The following LPP variants were observed in gnomAD, a reference collection of about 807,000 sequenced individuals.
LPP encodes LIM domain containing preferred translocation partner in lipoma, also known as lipoma-preferred partner.
Under a neutral mutation model 60.4 loss-of-function variants are expected in LPP, and 38 were observed. The ratio of observed to expected loss-of-function variants is 0.63; its 90% CI spans 0.49 to 0.83. LPP has a LOEUF of 0.83. LPP is among the 40% of genes least tolerant of loss of function. LPP has a pLI of 0.00. For missense variants in LPP, 902 were observed against 783.6 expected (o/e 1.15, Z -1.80); for synonymous variants, 328 against 290.8 (o/e 1.13, Z -1.30).
At chr3:188,209,113 T>A (rs1734042114) in intron 1 of LPP, among the ~76,000 whole-genome samples, 1 of 152,222 alleles carries the variant, frequency 6.6e-6, no homozygotes, top group Non-Finnish European at 1.5e-5. Context: ...AAACAGTTAG[T>A]ATGTAGCAGA....
intron 4 of LPP, among the ~76,000 whole-genome samples, chr3:188,482,843 A>C (rs796454020): frequency 3.3e-5 from 5 of 152,182 alleles, no homozygotes; most frequent in African/African-American, 1.2e-4. Flanking sequence ...GGTCTAAAGT[A>C]GTAACAACAT....
At chr3:188,518,568 G>A (rs4686969) in intron 5 of LPP, among the ~76,000 whole-genome samples, 98,653 of 152,054 alleles carry the variant, frequency 0.65, 35,467 homozygotes, top group Middle Eastern at 0.82. Flanking sequence ...GTGAAGCACA[G>A]TTGAAAAAAA....
chr3:188,325,233 G>A (rs558440613), intron 2 of LPP, among the ~76,000 whole-genome samples: 8 of 152,056 alleles, frequency 5.3e-5, no homozygotes, highest in African/African-American at 1.7e-4. Context: ...CACCCGCCTC[G>A]GCCTCCCAAA....
chr3:188,442,925 G>C (rs911137410), intron 4 of LPP, among the ~76,000 whole-genome samples: 1 of 152,180 alleles, frequency 6.6e-6, no homozygotes, highest in African/African-American at 2.4e-5. Context: ...GAGTCCAGGA[G>C]TCTTTCTGTT....
At chr3:188,259,424 G>A (rs1732804934) in intron 2 of LPP, among the ~76,000 whole-genome samples, 1 of 152,170 alleles carries the variant, frequency 6.6e-6, no homozygotes, top group Admixed American at 6.5e-5. Context: ...GCCCGATCCT[G>A]CTGAGACATT....
chr3:188,776,063 C>T (rs568433006), intron 9 of LPP, among the ~76,000 whole-genome samples: 3 of 152,352 alleles, frequency 2.0e-5, no homozygotes, highest in African/African-American at 7.2e-5. Flanking sequence ...ATGCGGAATA[C>T]AGCGCAGTGT....
chr3:188,787,509 C>T (rs1364902089), intron 9 of LPP, among the ~76,000 whole-genome samples: 7 of 151,996 alleles, frequency 4.6e-5, no homozygotes, highest in African/African-American at 1.5e-4. Flanking sequence ...AGTTTCTATC[C>T]CCACCTCTCC....
intron 7 of LPP, among the ~76,000 whole-genome samples, chr3:188,676,287 A>G (rs1858070932): frequency 6.6e-6 from 1 of 152,138 alleles, no homozygotes; most frequent in South Asian, 2.1e-4. Context: ...GTGAAGCTAC[A>G]TAGATGTAAA....
At chr3:188,415,184 C>G (rs1429315580) in intron 4 of LPP, among the ~76,000 whole-genome samples, 1 of 152,024 alleles carries the variant, frequency 6.6e-6, no homozygotes, top group Non-Finnish European at 1.5e-5. Context: ...TATTTTACAT[C>G]TGAAGAGAAT....
chr3:188,427,471 G>T (rs993228706), intron 4 of LPP, among the ~76,000 whole-genome samples: 1 of 152,014 alleles, frequency 6.6e-6, no homozygotes, highest in African/African-American at 2.4e-5. Context: ...TTCAACCTTG[G>T]TGAATCTGAC....
intron 1 of LPP, chr3:188,179,667 T>A: frequency 2.7e-6 from 1 of 364,668 alleles, no homozygotes; most frequent in Non-Finnish European, 5.4e-6. Flanking sequence ...TCAGCAAGCC[T>A]CTCTGCAGTC....
At position 188,630,513 on chromosome 3, in the gene LPP, T is replaced by C. The variant is rs183169054; in HGVS notation, c.1113+20669T>C. ...AAAAGGGAATGCTTGTGCACTCCTG[T>C]TGGGAATGTAAATTAGTTCAGTCTC... On this transcript the variant is annotated intron_variant, in intron 7 of 11. Transcript: ENST00000617246. Among the ~76,000 whole-genome samples the C allele has an allele frequency of 9.8e-4, 149 of 152,260 alleles. No homozygotes were observed. The Middle Eastern group carries it at 0.017, about 17-fold the overall frequency.
At chr3:188,713,282 T>G (rs1712362038) in intron 8 of LPP, among the ~76,000 whole-genome samples, 1 of 152,106 alleles carries the variant, frequency 6.6e-6, no homozygotes, top group African/African-American at 2.4e-5. Context: ...ACACCTGTCC[T>G]GAATTCTGCA....
At chr3:188,640,510 A>G (rs1034565639) in intron 7 of LPP, among the ~76,000 whole-genome samples, 1 of 148,644 alleles carries the variant, frequency 6.7e-6, no homozygotes, top group Middle Eastern at 3.3e-3. Flanking sequence ...CTAAAACTTA[A>G]AGTATAATAA....
chr3:188,380,712 A>G (rs1283443775), intron 3 of LPP, among the ~76,000 whole-genome samples: 3 of 152,234 alleles, frequency 2.0e-5, no homozygotes, highest in Admixed American at 6.5e-5. Flanking sequence ...AATTGTTTGC[A>G]AAATTATCTT....
At chr3:188,400,267 A>T (rs1781932814) in intron 3 of LPP, among the ~76,000 whole-genome samples, 1 of 152,214 alleles carries the variant, frequency 6.6e-6, no homozygotes, top group Non-Finnish European at 1.5e-5. Flanking sequence ...GGGAGGTAGT[A>T]CAGAGTGAAG....
At chr3:188,639,463 C>G (rs1849586180) in intron 7 of LPP, among the ~76,000 whole-genome samples, 1 of 151,882 alleles carries the variant, frequency 6.6e-6, no homozygotes, top group Non-Finnish European at 1.5e-5. Context: ...CGGGCAAGGA[C>G]TTCATGTCTA....
intron 3 of LPP, among the ~76,000 whole-genome samples, chr3:188,358,361 T>G (rs1768224061): frequency 6.6e-6 from 1 of 152,222 alleles, no homozygotes; most frequent in East Asian, 1.9e-4. Context: ...TCCTGTACGT[T>G]GTGAGGCTGA....
At chr3:188,158,420 T>C (rs962296533) in intron 1 of LPP, among the ~76,000 whole-genome samples, 1 of 152,146 alleles carries the variant, frequency 6.6e-6, no homozygotes. Flanking sequence ...AAGTGTGTTG[T>C]GGAAGTCTGC....
Sources: gnomAD v4.1 joint callset for allele counts (sites outside exome capture counted in the v4.1 genomes callset) on GRCh38, gnomAD v4.1.1 for gene constraint, MANE v1.5 for transcripts, NCBI Gene and HGNC (gene_info 2026-07-23, HGNC 2026-07-21) for gene names.